The following PRAG1 variants were observed in gnomAD, a reference collection of about 807,000 sequenced individuals.
PRAG1 encodes inactive tyrosine-protein kinase PRAG1.
In PRAG1, 110 loss-of-function variants were observed where a neutral mutation model predicts 95.6. The ratio of observed to expected loss-of-function variants is 1.15; its 90% CI spans 0.99 to 1.35. PRAG1 has a LOEUF of 1.35. Ranked by LOEUF, PRAG1 falls within the 40% of genes most tolerant of loss-of-function variation. The pLI is 0.00. For synonymous variants in PRAG1, 1,052 were observed against 819.4 expected, an observed-to-expected ratio of 1.28 and a Z score of -4.85; for missense variants, 2,554 against 1,864.7, an observed-to-expected ratio of 1.37 and a Z score of -6.81.
chr8:8,357,786 C>T (rs186681072), intron 3 of PRAG1, among the ~76,000 whole-genome samples: 87 of 152,296 alleles, frequency 5.7e-4, no homozygotes, highest in Non-Finnish European at 2.1e-4. Flanking sequence ...GTAGAAGCAA[C>T]TTAAGTATCC....
In PRAG1 at chr8:8,328,080, T is replaced by C. The variant is rs751845225; in HGVS notation, c.2702A>G (p.Asn901Ser). 10 of 1,607,478 alleles carry C rather than the reference T, an allele frequency of 6.2e-6. 1 individual carries two copies. In the South Asian group the frequency reaches 1.1e-4, roughly 18 times the overall value. ...GCCAGGGCTCCCGCAGCCGCCTCTG[T>C]TGCCCGCCAGCCCTGCTGCCGGAAG... Reference protein sequence around the residue: ...HWLPAAGLAGNRGGCGSPGLQ... With the variant: ...HWLPAAGLAGSRGGCGSPGLQ... Residue 901 changes from asparagine (N) to serine (S), a missense_variant, in exon 5 of 6, where the codon AAC (asparagine) becomes AGC (serine). Coordinates refer to ENST00000615670, the MANE Select transcript of PRAG1 (RefSeq NM_001080826.3).
At chr8:8,319,811 A>G (rs937457930) in intron 5 of PRAG1, among the ~76,000 whole-genome samples, 8 of 152,232 alleles carry the variant, frequency 5.3e-5, no homozygotes, top group Admixed American at 3.9e-4. Context: ...TCACCAAAAA[A>G]ATTTGTAAAT....
intron 2 of PRAG1, among the ~76,000 whole-genome samples, chr8:8,380,167 T>C (rs139877025): frequency 3.6e-4 from 54 of 151,918 alleles, no homozygotes; most frequent in Middle Eastern, 3.4e-3. Context: ...CTTAGATTCC[T>C]AGGAGGCTGA....
intron 3 of PRAG1, among the ~76,000 whole-genome samples, chr8:8,364,825 G>A (rs918074108): frequency 1.3e-5 from 2 of 152,190 alleles, no homozygotes; most frequent in Non-Finnish European, 2.9e-5. Context: ...CTCAGACCCT[G>A]AACTGTAAGG....
Position 8,328,776 on chromosome 8 carries a change from GCACACA to G in PRAG1, c.2321-321_2321-316del, listed in dbSNP as rs148004809. Among the ~76,000 whole-genome samples, 745 of 149,508 alleles carry G rather than the reference GCACACA, an allele frequency of 5.0e-3. 5 individuals are homozygous for G. Among genetic ancestry groups the G allele is most frequent in the African/African-American group, 0.017 (699 of 40,974 alleles). ...AACAAATGCGTGCCTGCACGCGTGC[GCACACA>G]CACACACACACACACACAAATTACA... On this transcript the variant is annotated intron_variant, in intron 4 of 5. Transcript: ENST00000615670.
At chr8:8,357,962 C>G (rs1799731945) in intron 3 of PRAG1, among the ~76,000 whole-genome samples, 2 of 152,358 alleles carry the variant, frequency 1.3e-5, no homozygotes, top group South Asian at 4.1e-4. Context: ...CAAACACCAG[C>G]TGGTTGCTAC....
At chr8:8,371,362 G>A (rs543008015) in intron 3 of PRAG1, among the ~76,000 whole-genome samples, 2,226 of 151,698 alleles carry the variant, frequency 0.015, 49 homozygotes, top group African/African-American at 0.051. Flanking sequence ...CCGGGTTCAC[G>A]TCATTCTCCT....
intron 2 of PRAG1, 83 bp downstream of exon 2, chr8:8,381,335 C>T (rs1267823876): frequency 1.4e-6 from 2 of 1,397,466 alleles, no homozygotes; most frequent in Admixed American, 2.1e-5. Flanking sequence ...GCTGGAACAG[C>T]CCTCCCTGGC....
At chr8:8,361,455 G>A (rs981539916) in intron 3 of PRAG1, among the ~76,000 whole-genome samples, 4 of 152,012 alleles carry the variant, frequency 2.6e-5, no homozygotes, top group African/African-American at 9.7e-5. Flanking sequence ...GGTGGCAGTG[G>A]GTTATTAAGA....
intron 3 of PRAG1, among the ~76,000 whole-genome samples, chr8:8,359,130 A>G (rs1411159583): frequency 6.6e-6 from 1 of 152,240 alleles, no homozygotes; most frequent in Non-Finnish European, 1.5e-5. Context: ...TTATTCCTTA[A>G]TAAAAAAGGT....
At chr8:8,345,332 A>T (rs1410439832) in intron 3 of PRAG1, among the ~76,000 whole-genome samples, 1 of 148,734 alleles carries the variant, frequency 6.7e-6, no homozygotes, top group Admixed American at 6.8e-5. Flanking sequence ...GAAGTTTGAT[A>T]CCAGCCTAAG....
intron 3 of PRAG1, among the ~76,000 whole-genome samples, chr8:8,351,598 G>T (rs770328297): frequency 6.6e-6 from 1 of 152,126 alleles, no homozygotes; most frequent in South Asian, 2.1e-4. Context: ...GAGTTGATTT[G>T]TCCATTGACC....
intron 3 of PRAG1, among the ~76,000 whole-genome samples, chr8:8,341,056 G>A (rs1238000527): frequency 6.6e-6 from 1 of 152,200 alleles, no homozygotes; most frequent in Non-Finnish European, 1.5e-5. Flanking sequence ...TCCAAGGGAA[G>A]CCAGGATATG....
intron 4 of PRAG1, among the ~76,000 whole-genome samples, chr8:8,334,742 A>G (rs1289030574): frequency 6.6e-6 from 1 of 150,982 alleles, no homozygotes; most frequent in Non-Finnish European, 1.5e-5. Context: ...TTATAACATA[A>G]TCATTAATGG....
At chr8:8,370,220 G>C (rs954501271) in intron 3 of PRAG1, among the ~76,000 whole-genome samples, 25 of 152,358 alleles carry the variant, frequency 1.6e-4, no homozygotes, top group African/African-American at 5.8e-4. Flanking sequence ...ACAGCATTAT[G>C]AGATGTCCTG....
intron 3 of PRAG1, among the ~76,000 whole-genome samples, chr8:8,360,553 CT>C (rs1799812485): frequency 6.6e-6 from 1 of 152,192 alleles, no homozygotes; most frequent in African/African-American, 2.4e-5. Context: ...TCAAATATAC[CT>C]TCTGAGCTTC....
intron 4 of PRAG1, among the ~76,000 whole-genome samples, chr8:8,338,062 A>T (rs902583741): frequency 3.9e-5 from 6 of 152,022 alleles, no homozygotes; most frequent in African/African-American, 9.7e-5. Context: ...CACATTTCAG[A>T]TCTGATCTCT....
chr8:8,342,998 T>C (rs2116845203), intron 3 of PRAG1, among the ~76,000 whole-genome samples: 1 of 152,292 alleles, frequency 6.6e-6, no homozygotes, highest in South Asian at 2.1e-4. Context: ...CTCACATCTT[T>C]GCAACCCGCA....
intron 1 of PRAG1, among the ~76,000 whole-genome samples, chr8:8,385,831 C>T (rs933770778): frequency 6.6e-5 from 10 of 152,096 alleles, no homozygotes; most frequent in African/African-American, 2.4e-4. Flanking sequence ...GGGAAAAGGG[C>T]ATCATCTCGT....
Sources: allele counts gnomAD v4.1 joint callset (sites outside exome capture counted in the v4.1 genomes callset), GRCh38; gene constraint gnomAD v4.1.1; transcripts MANE v1.5; gene names NCBI Gene and HGNC (gene_info 2026-07-23, HGNC 2026-07-21).